Variants in PACRG observed in about 807,000 individuals in gnomAD.
PACRG encodes parkin coregulated.
A neutral mutation model predicts 29.7 loss-of-function variants in PACRG; 29 were observed. The observed-to-expected ratio is 0.98, with a 90% CI of 0.73 to 1.33. PACRG has a LOEUF of 1.33. PACRG is among the 40% of genes most tolerant of loss of function. The pLI is 0.00. For missense variants in PACRG, 279 were observed against 316.2 expected (o/e 0.88, Z 0.89); for synonymous variants, 116 against 118.7 (o/e 0.98, Z 0.15).
intron 2 of PACRG, among the ~76,000 whole-genome samples, chr6:162,923,306 T>C (rs1010406644): frequency 6.6e-6 from 1 of 152,184 alleles, no homozygotes; most frequent in African/African-American, 2.4e-5. Context: ...TTGTAAATAT[T>C]TTCTCCTATT....
chr6:163,215,881 A>G (rs1165253571), intron 4 of PACRG, among the ~76,000 whole-genome samples: 1 of 152,238 alleles, frequency 6.6e-6, no homozygotes, highest in East Asian at 1.9e-4. Flanking sequence ...CATTGGATTT[A>G]TTGTTTAGGA....
At chr6:163,041,802 G>A (rs930131622) in intron 2 of PACRG, among the ~76,000 whole-genome samples, 38 of 152,324 alleles carry the variant, frequency 2.5e-4, no homozygotes, top group Admixed American at 1.2e-3. Context: ...GGAGGCAGGG[G>A]ATTTTAAGTA....
chr6:163,159,887 C>T (rs1386006527), intron 4 of PACRG, among the ~76,000 whole-genome samples: 1 of 152,196 alleles, frequency 6.6e-6, no homozygotes, highest in East Asian at 1.9e-4. Context: ...CTCATTCCGC[C>T]TCCACCCCCG....
intron 2 of PACRG, among the ~76,000 whole-genome samples, chr6:162,950,103 G>GA (rs1409508207): frequency 6.6e-5 from 10 of 152,098 alleles, no homozygotes; most frequent in African/African-American, 9.6e-5. Context: ...GAATCCTTGT[G>GA]AAAAAAATTA....
intron 4 of PACRG, among the ~76,000 whole-genome samples, chr6:163,092,033 C>G (rs1814154405): frequency 6.6e-6 from 1 of 152,080 alleles, no homozygotes; most frequent in Admixed American, 6.6e-5. Flanking sequence ...AAATCAATGT[C>G]TTGTTAAACT....
chr6:163,303,595 G>A (rs533977913), intron 4 of PACRG, among the ~76,000 whole-genome samples: 2 of 152,104 alleles, frequency 1.3e-5, no homozygotes, highest in South Asian at 2.1e-4. Flanking sequence ...TTGCTGTTTC[G>A]CGAGCTGGTT....
At chr6:163,037,782 G>A (rs1562854910) in intron 2 of PACRG, among the ~76,000 whole-genome samples, 4 of 152,142 alleles carry the variant, frequency 2.6e-5, no homozygotes, top group Admixed American at 2.6e-4. Flanking sequence ...GGAGGGTCTG[G>A]GACTGTACTG....
intron 2 of PACRG, among the ~76,000 whole-genome samples, chr6:162,902,042 A>T (rs1795598303): frequency 6.6e-6 from 1 of 152,210 alleles, no homozygotes; most frequent in African/African-American, 2.4e-5. Context: ...AGATTACAAT[A>T]CCAAATCTCT....
chr6:162,843,630 G>A (rs368913745), intron 2 of PACRG, among the ~76,000 whole-genome samples: 166 of 126,244 alleles, frequency 1.3e-3, no homozygotes, highest in Non-Finnish European at 1.4e-3. Context: ...GCTTTGTTCC[G>A]TTGCTGGTGA....
At chr6:162,799,412 A>C (rs1342482441) in intron 1 of PACRG, among the ~76,000 whole-genome samples, 1 of 152,152 alleles carries the variant, frequency 6.6e-6, no homozygotes, top group East Asian at 1.9e-4. Context: ...ACCTAGGTTG[A>C]TAGGACTCCA....
At chr6:162,746,156 A>G (rs1038054247) in intron 1 of PACRG, among the ~76,000 whole-genome samples, 1 of 152,174 alleles carries the variant, frequency 6.6e-6, no homozygotes, top group Middle Eastern at 3.2e-3. Flanking sequence ...ACAGAGAAAT[A>G]TATTTCACAG....
At chr6:162,787,584 A>C (rs4112191) in intron 1 of PACRG, among the ~76,000 whole-genome samples, 676 of 17,376 alleles carry the variant, frequency 0.039, 15 homozygotes, top group Middle Eastern at 0.067. Flanking sequence ...GTGTGTGTGT[A>C]TATATATATA....
At chr6:162,989,685 C>A (rs759201929) in intron 2 of PACRG, among the ~76,000 whole-genome samples, 1 of 151,422 alleles carries the variant, frequency 6.6e-6, no homozygotes, top group Non-Finnish European at 1.5e-5. Flanking sequence ...AGATTGAAAA[C>A]CCGCAGATAT....
At chr6:162,978,027 C>T (rs1802100176) in intron 2 of PACRG, among the ~76,000 whole-genome samples, 1 of 151,804 alleles carries the variant, frequency 6.6e-6, no homozygotes, top group Admixed American at 6.6e-5. Context: ...GCCTGTAATC[C>T]CAGCTACTTG....
At chr6:163,083,313 A>G (rs527953633) in intron 3 of PACRG, among the ~76,000 whole-genome samples, 1 of 152,274 alleles carries the variant, frequency 6.6e-6, no homozygotes, top group South Asian at 2.1e-4. Flanking sequence ...AACTCAAAAG[A>G]ATGTTAACTG....
At chr6:163,014,514 A>T (rs1805903473) in intron 2 of PACRG, among the ~76,000 whole-genome samples, 3 of 12,436 alleles carry the variant, frequency 2.4e-4, no homozygotes, top group African/African-American at 1.1e-3. Context: ...TCTTGCCAAC[A>T]TGTATTTTTT....
At chr6:163,250,279 G>T (rs1278826733) in intron 4 of PACRG, among the ~76,000 whole-genome samples, 2 of 152,180 alleles carry the variant, frequency 1.3e-5, no homozygotes, top group Non-Finnish European at 2.9e-5. Context: ...AAAATAGGAA[G>T]TACAAAACCA....
intron 2 of PACRG, among the ~76,000 whole-genome samples, chr6:162,958,032 G>C (rs1178297678): frequency 6.6e-6 from 1 of 152,168 alleles, no homozygotes; most frequent in East Asian, 1.9e-4. Context: ...TTAGTGAGAA[G>C]GGAAAGCCAT....
chr6:163,123,806 T>C (rs918277977), intron 4 of PACRG, among the ~76,000 whole-genome samples: 27 of 152,254 alleles, frequency 1.8e-4, no homozygotes, highest in African/African-American at 6.0e-4. Context: ...GATCTGTCCG[T>C]GTTGTCACAA....
Sources: allele counts gnomAD v4.1 joint callset (sites outside exome capture counted in the v4.1 genomes callset), GRCh38; gene constraint gnomAD v4.1.1; transcripts MANE v1.5; gene names NCBI Gene and HGNC (gene_info 2026-07-23, HGNC 2026-07-21).